The following CDYL2 variants were observed in gnomAD, a reference collection of about 807,000 sequenced individuals.
CDYL2 encodes chromodomain Y like 2.
Under a neutral mutation model 49.4 loss-of-function variants are expected in CDYL2, and 23 were observed. The observed-to-expected ratio is 0.47, with a 90% CI of 0.34 to 0.66. The LOEUF (loss-of-function observed/expected upper bound fraction) is 0.66. Among genes scored for constraint, CDYL2 ranks in the 30% least tolerant of loss-of-function variants. CDYL2 has a pLI of 0.01. For synonymous variants in CDYL2, 360 were observed against 268.8 expected (o/e 1.34, Z -3.32); for missense variants, 678 against 656.4 (o/e 1.03, Z -0.36).
At chr16:80,613,905 C>G (rs1283292433) in intron 4 of CDYL2, among the ~76,000 whole-genome samples, 1 of 152,218 alleles carries the variant, frequency 6.6e-6, no homozygotes, top group Non-Finnish European at 1.5e-5. Flanking sequence ...CAGCTTACCT[C>G]TCCAGGTTTC....
At chr16:80,755,306 C>T (rs1906272973) in intron 1 of CDYL2, among the ~76,000 whole-genome samples, 1 of 152,160 alleles carries the variant, frequency 6.6e-6, no homozygotes, top group Non-Finnish European at 1.5e-5. Context: ...CATCTTGAAT[C>T]CATGTAAGGT....
At chr16:80,745,713 A>G (rs1165832278) in intron 1 of CDYL2, among the ~76,000 whole-genome samples, 3 of 152,212 alleles carry the variant, frequency 2.0e-5, no homozygotes, top group Non-Finnish European at 4.4e-5. Context: ...CCCTAGATTT[A>G]GCTTTTGGTA....
chr16:80,659,083 G>GGATGGATGGATGGATGGATGGATGGATT (rs1317463541), intron 2 of CDYL2, among the ~76,000 whole-genome samples: 2 of 150,708 alleles, frequency 1.3e-5, no homozygotes, highest in Non-Finnish European at 1.5e-5. Flanking sequence ...ATGGATGGAT[G>GGATGGATGGATGGATGGATGGATGGATT]GATGGATGGA....
Position 80,600,635 on chromosome 16 carries a change from T to G in CDYL2, c.*3753A>C, listed in dbSNP as rs905701043. 1 of 152,180 alleles carries G rather than the reference T, an allele frequency of 6.6e-6. No homozygotes were observed. The highest frequency in any genetic ancestry group is 1.5e-5 in the Non-Finnish European group (1 of 68,018). The allele number at this position is 152,180 out of a possible 1,614,324, so 9.4% of individuals were successfully genotyped here. The stretch of plus-strand genomic sequence containing the variant: ...CTAATATATACAACAGATATAAGTG[T>G]CTGAATACAGAAAAACAGAAGATAA... On this transcript the variant is annotated 3_prime_UTR_variant, in exon 7 of 7. Transcript: ENST00000570137.
intron 1 of CDYL2, among the ~76,000 whole-genome samples, chr16:80,785,885 G>A (rs1374359609): frequency 8.5e-5 from 13 of 152,146 alleles, no homozygotes; most frequent in Non-Finnish European, 5.9e-5. Context: ...TTTAATAAAT[G>A]GTGTTGGGAA....
intron 1 of CDYL2, among the ~76,000 whole-genome samples, chr16:80,759,452 A>G (rs1369884298): frequency 6.6e-6 from 1 of 152,156 alleles, no homozygotes; most frequent in Non-Finnish European, 1.5e-5. Flanking sequence ...TATTGTCAGG[A>G]AACAAAATGA....
At chr16:80,656,788 G>A (rs564717345) in intron 2 of CDYL2, among the ~76,000 whole-genome samples, 1 of 152,284 alleles carries the variant, frequency 6.6e-6, no homozygotes, top group African/African-American at 2.4e-5. Flanking sequence ...GCACAACACT[G>A]ACACAAAGCA....
chr16:80,656,137 C>T (rs1055511880), intron 2 of CDYL2, among the ~76,000 whole-genome samples: 6 of 152,232 alleles, frequency 3.9e-5, no homozygotes, highest in Non-Finnish European at 4.4e-5. Context: ...ACCTACTCTT[C>T]GGGCTGTTTT....
rs1354857009 is a variant in CDYL2 at position 80,684,451 on chromosome 16, G to T, written c.616+87C>A. Reference sequence around the variant, plus strand: ...AGCTAAGAGACGGGGATGGAGGTGGGGGTCTTATGTATGTCCCTAGGCTAC... The same window carrying T: ...AGCTAAGAGACGGGGATGGAGGTGGTGGTCTTATGTATGTCCCTAGGCTAC... On this transcript the variant is annotated intron_variant, in intron 2 of 6. Coordinates refer to ENST00000570137, the MANE Select transcript of CDYL2 (RefSeq NM_152342.4). 3.3e-6 allele frequency: 4 copies of T among 1,218,930 alleles called. No individual in the cohort carries two copies. The East Asian group carries it at 7.0e-5, about 21-fold the overall frequency. The allele number at this position is 1,218,930 out of a possible 1,614,324, so 75.5% of individuals were successfully genotyped here. A position where few individuals can be genotyped will look rare whatever the true frequency, so the allele number is the denominator to read the frequency against.
intron 1 of CDYL2, among the ~76,000 whole-genome samples, chr16:80,692,448 T>C (rs1365256508): frequency 6.6e-6 from 1 of 152,082 alleles, no homozygotes; most frequent in African/African-American, 2.4e-5. Context: ...GGGGACAAAA[T>C]AGGAACTGCC....
chr16:80,775,800 C>T (rs535076941), intron 1 of CDYL2, among the ~76,000 whole-genome samples: 128 of 151,714 alleles, frequency 8.4e-4, no homozygotes, highest in African/African-American at 3.0e-3. Flanking sequence ...ACAGAATTTA[C>T]TTGATATAGT....
chr16:80,690,208 G>A (rs556218678), intron 1 of CDYL2, among the ~76,000 whole-genome samples: 30 of 152,168 alleles, frequency 2.0e-4, no homozygotes, highest in African/African-American at 6.5e-4. Flanking sequence ...GAGAAACAAC[G>A]GCAGCGGGAA....
In CDYL2 at chr16:80,633,218, C is replaced by G. The variant is rs1907655114; in HGVS notation, c.635G>C (p.Gly212Ala). The change falls in exon 3 of 7, where the codon GGG (glycine) becomes GCG (alanine). Residue 212 changes from glycine (G) to alanine (A), a missense_variant. Gly to Ala is a moderately conservative substitution (Grantham distance 60). Coordinates refer to ENST00000570137, the MANE Select transcript of CDYL2 (RefSeq NM_152342.4). ...ENGLGSALTN[G>A]GLNLHSPVKR... ...CACTGGACTGTGCAGGTTCAATCCC[C>G]CGTTGGTCAGAGCAGAGCCTTCCAA... is the stretch of plus-strand genomic sequence containing the variant. The G allele has an allele frequency of 1.2e-6, 2 of 1,613,992 alleles. No homozygotes were observed. Among genetic ancestry groups the G allele is most frequent in the Non-Finnish European group, 1.7e-6 (2 of 1,179,984 alleles).
intron 2 of CDYL2, among the ~76,000 whole-genome samples, chr16:80,657,980 T>C (rs1274852353): frequency 1.3e-5 from 2 of 151,978 alleles, no homozygotes; most frequent in African/African-American, 4.8e-5. Context: ...AAGAAAGAGC[T>C]ATCTCTATGA....
At position 80,804,215 on chromosome 16, in the gene CDYL2, C is replaced by G; in HGVS notation, c.-42G>C. ...TGGCTCGCCGGTGTGCGCGTCTGCT[C>G]GCTCGCGCCCTCCGTGCGTGTGCGC... On this transcript the variant is annotated 5_prime_UTR_variant, in exon 1 of 7. Coordinates refer to ENST00000570137, the MANE Select transcript of CDYL2 (RefSeq NM_152342.4). 1.5e-6 allele frequency: 2 copies of G among 1,339,404 alleles called. No homozygotes were observed. The highest frequency in any genetic ancestry group is 2.0e-6 in the Non-Finnish European group (2 of 1,018,046). 83.0% of individuals were successfully genotyped at this position (1,339,404 alleles called of 1,614,324 possible). A position where few individuals can be genotyped will look rare whatever the true frequency, so the allele number is the denominator to read the frequency against.
At chr16:80,672,350 C>CAGAG (rs542619896) in intron 2 of CDYL2, among the ~76,000 whole-genome samples, 3,532 of 103,712 alleles carry the variant, frequency 0.034, 50 homozygotes, top group Middle Eastern at 0.078. Context: ...CACACACACA[C>CAGAG]ACAGAGAGAG....
At chr16:80,673,807 G>T (rs1037489070) in intron 2 of CDYL2, among the ~76,000 whole-genome samples, 2 of 152,158 alleles carry the variant, frequency 1.3e-5, no homozygotes, top group Non-Finnish European at 2.9e-5. Flanking sequence ...ATTTGGAGAT[G>T]GGAGATTATC....
At chr16:80,628,184 A>G (rs531705700) in intron 3 of CDYL2, 11 of 152,384 alleles carry the variant, frequency 7.2e-5, no homozygotes, top group Admixed American at 2.0e-4. Flanking sequence ...TCCCTTGTAG[A>G]ATGTGCACCT....
At chr16:80,680,019 C>T (rs542360510) in intron 2 of CDYL2, among the ~76,000 whole-genome samples, 7 of 152,310 alleles carry the variant, frequency 4.6e-5, no homozygotes, top group South Asian at 2.1e-4. Context: ...CCATTGCTTG[C>T]GCTTAGTTTC....
Sources: gnomAD v4.1 joint callset for allele counts (sites outside exome capture counted in the v4.1 genomes callset) on GRCh38, gnomAD v4.1.1 for gene constraint, MANE v1.5 for transcripts, NCBI Gene and HGNC (gene_info 2026-07-23, HGNC 2026-07-21) for gene names.